Variants in PLCH1 observed in about 807,000 individuals in gnomAD.
PLCH1 encodes 1-phosphatidylinositol 4,5-bisphosphate phosphodiesterase eta-1.
In PLCH1, 60 loss-of-function variants were observed where a neutral mutation model predicts 126.7. That is an observed-to-expected ratio of 0.47 (90% CI 0.38 to 0.59). PLCH1 has a LOEUF of 0.59. Among genes scored for constraint, PLCH1 ranks in the 20% least tolerant of loss-of-function variants. The pLI, the probability that PLCH1 is intolerant of heterozygous loss-of-function variation, is 0.00. For synonymous variants in PLCH1, 719 were observed against 734.9 expected (o/e 0.98, Z 0.35); for missense variants, 1,723 against 2,040.0 (o/e 0.84, Z 2.99).
In PLCH1 at chr3:155,745,009, A is replaced by C. The variant is rs2109231855; in HGVS notation, c.-210T>G. ...AGAAGAGCACTTCTCCCCACTAGCCAGCAGAAGCCCCAGACGAGCGGGGAA... is the reference window on the plus strand; with the variant it reads ...AGAAGAGCACTTCTCCCCACTAGCCCGCAGAAGCCCCAGACGAGCGGGGAA... On this transcript the variant is annotated 5_prime_UTR_variant, in exon 1 of 23. Transcript: ENST00000460012. 6.5e-6 allele frequency: 1 copy of C among 152,804 alleles called. No individual in the cohort carries two copies. The highest frequency in any genetic ancestry group is 2.4e-5 in the African/African-American group (1 of 41,564). 9.5% of individuals were successfully genotyped at this position (152,804 alleles called of 1,614,324 possible).
intron 1 of PLCH1, among the ~76,000 whole-genome samples, chr3:155,712,664 G>C (rs141536921): frequency 6.6e-6 from 1 of 152,040 alleles, no homozygotes; most frequent in Non-Finnish European, 1.5e-5. Flanking sequence ...TTCTTGAACC[G>C]AAGAGACGGA....
chr3:155,491,410 T>G (rs1021928352), intron 18 of PLCH1, among the ~76,000 whole-genome samples: 1 of 152,008 alleles, frequency 6.6e-6, no homozygotes, highest in Non-Finnish European at 1.5e-5. Context: ...ACTATAGGAT[T>G]GTGCACCACA....
chr3:155,486,308 C>A (rs1157122582), intron 21 of PLCH1: 3 of 688,956 alleles, frequency 4.4e-6, no homozygotes, highest in South Asian at 1.8e-5. Flanking sequence ...TGTCTATAAA[C>A]CCTTTCTCTT....
At chr3:155,566,419 AGAG>A (rs1728554647) in intron 7 of PLCH1, among the ~76,000 whole-genome samples, 1 of 150,096 alleles carries the variant, frequency 6.7e-6, no homozygotes, top group South Asian at 2.1e-4. Context: ...TTGACTAGGT[AGAG>A]GAGGGGCCAA....
At chr3:155,668,084 C>CAA (rs756879174) in intron 2 of PLCH1, among the ~76,000 whole-genome samples, 1,102 of 34,586 alleles carry the variant, frequency 0.032, 18 homozygotes, top group African/African-American at 0.066. Flanking sequence ...GACTCCATCT[C>CAA]AAAAAAAAAA....
At chr3:155,467,048 G>T (rs560638945) in intron 21 of PLCH1, among the ~76,000 whole-genome samples, 2 of 152,266 alleles carry the variant, frequency 1.3e-5, no homozygotes, top group Admixed American at 1.3e-4. Flanking sequence ...TAAAGAAGCG[G>T]TAGAGAAAGA....
chr3:155,667,166 C>T (rs1742820564), intron 2 of PLCH1, among the ~76,000 whole-genome samples: 1 of 152,030 alleles, frequency 6.6e-6, no homozygotes. Context: ...AAGGGATTAG[C>T]CAAAAGCTCA....
chr3:155,635,228 C>T (rs1207988186), intron 2 of PLCH1, among the ~76,000 whole-genome samples: 1 of 152,010 alleles, frequency 6.6e-6, no homozygotes, highest in Non-Finnish European at 1.5e-5. Flanking sequence ...TTTTTCCTTT[C>T]CATCTACTTG....
intron 6 of PLCH1, among the ~76,000 whole-genome samples, chr3:155,580,100 T>C (rs1730469122): frequency 6.6e-6 from 1 of 152,210 alleles, no homozygotes; most frequent in African/African-American, 2.4e-5. Flanking sequence ...CATTAACTTA[T>C]CATTCTATAG....
intron 1 of PLCH1, among the ~76,000 whole-genome samples, chr3:155,737,042 C>A (rs1413999297): frequency 6.6e-6 from 1 of 151,650 alleles, no homozygotes; most frequent in Non-Finnish European, 1.5e-5. Context: ...CCAGCCTGGG[C>A]AACACGGTGA....
chr3:155,645,978 C>A (rs1739997323), intron 2 of PLCH1, among the ~76,000 whole-genome samples: 1 of 152,112 alleles, frequency 6.6e-6, no homozygotes, highest in Admixed American at 6.5e-5. Flanking sequence ...AGGTGCTATA[C>A]TTAGATGTCT....
In PLCH1 at chr3:155,549,876, C is replaced by G; in HGVS notation, c.1273G>C (p.Gly425Arg). 6.2e-7 allele frequency: 1 copy of G among 1,613,688 alleles called. No homozygotes were observed. The highest frequency in any genetic ancestry group is 8.5e-7 in the Non-Finnish European group (1 of 1,179,648). ...ACAGATGACAGGTCCAGTTTGTCTC[C>G]GAATATTCCTTTCAGGTACTGAGCA... ...KIAQYLKGIF[G>R]DKLDLSSVDT... The change falls in exon 10 of 23, where the codon GGA becomes CGA. Residue 425 changes from glycine (G) to arginine (R), a missense_variant. This residue lies in a region of PLCH1 where 776 missense variants were observed against 1,062.9 expected (regional missense o/e 0.73). Coordinates refer to ENST00000460012, the MANE Select transcript of PLCH1 (RefSeq NM_014996.4).
chr3:155,654,498 C>A (rs1255003654), intron 2 of PLCH1, among the ~76,000 whole-genome samples: 1 of 152,128 alleles, frequency 6.6e-6, no homozygotes, highest in African/African-American at 2.4e-5. Context: ...AAGAAGAACT[C>A]TTGTCCCCCA....
At chr3:155,722,147 G>A (rs1747995893) in intron 1 of PLCH1, among the ~76,000 whole-genome samples, 1 of 152,076 alleles carries the variant, frequency 6.6e-6, no homozygotes, top group South Asian at 2.1e-4. Context: ...TGGTGGCTGT[G>A]GGTTTGTCGT....
chr3:155,577,292 G>T (rs1167208978), intron 6 of PLCH1, among the ~76,000 whole-genome samples: 1 of 151,948 alleles, frequency 6.6e-6, no homozygotes, highest in Non-Finnish European at 1.5e-5. Flanking sequence ...TCAGATTTTT[G>T]AATTACTAAT....
At chr3:155,566,430 C>T (rs1728555771) in intron 7 of PLCH1, among the ~76,000 whole-genome samples, 1 of 149,532 alleles carries the variant, frequency 6.7e-6, no homozygotes, top group Non-Finnish European at 1.5e-5. Context: ...GAGGAGGGGC[C>T]AAGCTGTTTA....
At chr3:155,465,138 A>C (rs1712879947) in intron 21 of PLCH1, among the ~76,000 whole-genome samples, 1 of 151,650 alleles carries the variant, frequency 6.6e-6, no homozygotes, top group Non-Finnish European at 1.5e-5. Context: ...AGTGACAGAC[A>C]CACATGGGCA....
rs1746330528 is a variant in PLCH1, at chr3:155,702,190, C to A, written c.79+1956G>T. On this transcript the variant is annotated intron_variant, in intron 2 of 22. Transcript: ENST00000460012. ...AATCTGAGTTTAGAACTAGAAACAGCCTCAAAAATCATTGAGACCAGCATG... is the reference window on the plus strand; with the variant it reads ...AATCTGAGTTTAGAACTAGAAACAGACTCAAAAATCATTGAGACCAGCATG... 2.6e-5 allele frequency among the ~76,000 whole-genome samples: 4 copies of A among 152,136 alleles called. No homozygotes were observed. In the South Asian group the frequency reaches 8.3e-4, roughly 32 times the overall value.
rs186238233 is a variant in PLCH1, at chr3:155,705,298, T to C, written c.-40-1034A>G. ...CTGAAGCTTTTGTCAGAGCTTCTCC[T>C]TGGCTCCCTATGGCCCAACCTTAAC... On this transcript the variant is annotated intron_variant, in intron 1 of 22. Transcript: ENST00000460012. Among the ~76,000 whole-genome samples, 47 of 152,312 alleles carry C rather than the reference T, an allele frequency of 3.1e-4. 1 individual carries two copies. In the East Asian group the frequency reaches 8.9e-3, roughly 29 times the overall value.
Sources: gnomAD v4.1 joint callset for allele counts (sites outside exome capture counted in the v4.1 genomes callset) on GRCh38, gnomAD v4.1.1 for gene constraint, gnomAD v4.1.1 regional missense constraint, MANE v1.5 for transcripts, NCBI Gene and HGNC (gene_info 2026-07-23, HGNC 2026-07-21) for gene names.